KHDC1: variants seen among roughly 807,000 people sequenced by gnomAD.
KHDC1 encodes KH domain containing 1, also known as KH homology domain-containing protein 1.
Under a neutral mutation model 24.7 loss-of-function variants are expected in KHDC1, and 21 were observed. The observed-to-expected ratio is 0.85, with a 90% confidence interval of 0.60 to 1.23. KHDC1 has a LOEUF of 1.23. KHDC1 is among the 50% of genes most tolerant of loss of function. The probability of loss-of-function intolerance (pLI) is 0.00; values close to 1 mark genes in which losing one functional copy is unlikely to be tolerated. For synonymous variants in KHDC1, 98 were observed against 111.7 expected (o/e 0.88, Z 0.77); for missense variants, 274 against 298.5 (o/e 0.92, Z 0.61).
chr6:73,249,469 T>A (rs1368501695), intron 2 of KHDC1, among the ~76,000 whole-genome samples: 1 of 152,200 alleles, frequency 6.6e-6, no homozygotes, highest in Admixed American at 6.5e-5. Context: ...TCAGAGATAG[T>A]GTGCAGTGAG....
intron 2 of KHDC1, among the ~76,000 whole-genome samples, chr6:73,243,218 T>C (rs1053849503): frequency 2.6e-5 from 4 of 152,220 alleles, no homozygotes; most frequent in African/African-American, 9.6e-5. Context: ...GATGGACTTT[T>C]TACACCTTGT....
intron 2 of KHDC1, among the ~76,000 whole-genome samples, chr6:73,245,151 T>C (rs1341896991): frequency 1.3e-5 from 2 of 152,120 alleles, no homozygotes; most frequent in African/African-American, 4.8e-5. Flanking sequence ...TACCAGAACA[T>C]GTATCTTGTT....
At chr6:73,294,367 TAAAAA>T (rs938865171) in intron 1 of KHDC1, among the ~76,000 whole-genome samples, 9 of 148,584 alleles carry the variant, frequency 6.1e-5, no homozygotes, top group South Asian at 2.1e-4. Context: ...GATGAAGACT[TAAAAA>T]AAAAAGGAAC....
At chr6:73,287,954 G>A (rs1425914751) in intron 2 of KHDC1, among the ~76,000 whole-genome samples, 1 of 152,232 alleles carries the variant, frequency 6.6e-6, no homozygotes. Context: ...TGAAATTAGA[G>A]TGGAGAAGGG....
chr6:73,292,427 G>A, intron 1 of KHDC1: 1 of 776,412 alleles, frequency 1.3e-6, no homozygotes, highest in South Asian at 1.3e-5. Flanking sequence ...TTTTTTCAGA[G>A]TGTTGGTTCC....
At chr6:73,242,645 A>T in intron 2 of KHDC1, 115 bp from the exon 2 acceptor site, 1 of 1,280,542 alleles carries the variant, frequency 7.8e-7, no homozygotes, top group Non-Finnish European at 1.1e-6. Context: ...CCCTTGAACT[A>T]CCTTAGGGTG....
intron 2 of KHDC1, among the ~76,000 whole-genome samples, chr6:73,285,016 T>C (rs1330197048): frequency 6.6e-6 from 1 of 152,042 alleles, no homozygotes; most frequent in Non-Finnish European, 1.5e-5. Flanking sequence ...TGCTAATTTT[T>C]GTATTTTTAG....
At position 73,309,780 on chromosome 6, in the gene KHDC1, C is replaced by T. The variant is rs974406821; in HGVS notation, c.-66G>A. 5.3e-6 allele frequency: 8 copies of T among 1,506,462 alleles called. No homozygotes were observed. In the African/African-American group the frequency reaches 8.5e-5, roughly 16 times the overall value. The allele number at this position is 1,506,462 out of a possible 1,614,324, so 93.3% of individuals were successfully genotyped here. Reference sequence around the variant, plus strand: ...ACGAGTAGTACAGCTCCTCCCGCCACCGCAGAGCCCGCCGGCGGGAAGAGA... The same window carrying T: ...ACGAGTAGTACAGCTCCTCCCGCCATCGCAGAGCCCGCCGGCGGGAAGAGA... On this transcript the variant is annotated 5_prime_UTR_variant, in exon 1 of 5. Coordinates refer to ENST00000370384, the Ensembl canonical transcript of KHDC1.
intron 2 of KHDC1, among the ~76,000 whole-genome samples, chr6:73,258,133 T>G (rs1766913746): frequency 6.6e-6 from 1 of 152,166 alleles, no homozygotes; most frequent in South Asian, 2.1e-4. Flanking sequence ...TGCACACCTG[T>G]AATCCCAGCT....
intron 2 of KHDC1, among the ~76,000 whole-genome samples, chr6:73,282,908 T>C (rs1767441838): frequency 6.6e-6 from 1 of 152,244 alleles, no homozygotes; most frequent in South Asian, 2.1e-4. Context: ...GATAAAACTC[T>C]GGTCTCCTGC....
In KHDC1 at chr6:73,263,340, G is replaced by C. The variant is rs977170774; in HGVS notation, c.207-20810C>G. ...AGCAGCTCTTGAGTCCAGGAAGCAA[G>C]GGTGGGAGGAGGGACGAGCCAGTGG... On this transcript the variant is annotated intron_variant, in intron 2 of 4. Transcript: ENST00000370384. 1.5e-5 allele frequency: 14 copies of C among 950,614 alleles called. No homozygotes were observed. The African/African-American group carries it at 2.1e-4, about 14-fold the overall frequency. 58.9% of individuals were successfully genotyped at this position (950,614 alleles called of 1,614,324 possible).
At chr6:73,304,084 C>G (rs1767920585) in intron 1 of KHDC1, among the ~76,000 whole-genome samples, 1 of 151,888 alleles carries the variant, frequency 6.6e-6, no homozygotes, top group African/African-American at 2.4e-5. Flanking sequence ...GAGGCTGATG[C>G]ATGACAATCG....
chr6:73,306,697 A>T lies in KHDC1; in HGVS notation c.163+2855T>A, dbSNP rs117908942. Among the ~76,000 whole-genome samples the T allele has an allele frequency of 9.9e-3, 1,510 of 151,948 alleles. 19 individuals carry two copies. Among genetic ancestry groups the T allele is most frequent in the East Asian group, 0.056 (288 of 5,152 alleles). On this transcript the variant is annotated intron_variant, in intron 1 of 4. Coordinates refer to ENST00000370384, the Ensembl canonical transcript of KHDC1. The stretch of plus-strand genomic sequence containing the variant: ...GGTGCCCCGGGGCAGTGGGGGTGGG[A>T]GTTGAAGACTATTTAGAAAATTTTC...
chr6:73,279,403 A>G (rs561639819), intron 2 of KHDC1, among the ~76,000 whole-genome samples: 30 of 152,254 alleles, frequency 2.0e-4, no homozygotes, highest in Admixed American at 2.0e-3. Context: ...GTCTCAAAAA[A>G]TAAAAATGAA....
chr6:73,305,978 A>G (rs532922812), intron 1 of KHDC1, among the ~76,000 whole-genome samples: 312 of 152,198 alleles, frequency 2.0e-3, no homozygotes, highest in Non-Finnish European at 3.6e-3. Context: ...TTTTAAATTG[A>G]GCAAATTATA....
chr6:73,254,785 G>A (rs760959198), intron 2 of KHDC1, among the ~76,000 whole-genome samples: 3 of 152,030 alleles, frequency 2.0e-5, no homozygotes, highest in Non-Finnish European at 2.9e-5. Context: ...GGCGGATCAC[G>A]AGGTCAGGAG....
intron 1 of KHDC1, chr6:73,292,457 G>GT: frequency 1.3e-6 from 1 of 773,204 alleles, no homozygotes; most frequent in Non-Finnish European, 2.4e-6. Flanking sequence ...CAGAAATGCT[G>GT]TAAGTTCACT....
chr6:73,272,856 C>CTTTTTTTTTTTTTTTTT (rs1158620688), intron 2 of KHDC1, among the ~76,000 whole-genome samples: 1 of 135,276 alleles, frequency 7.4e-6, no homozygotes, highest in Non-Finnish European at 1.5e-5. Flanking sequence ...CTTTTCTTTT[C>CTTTTTTTTTTTTTTTTT]TTTTTCTTTT....
intron 2 of KHDC1, among the ~76,000 whole-genome samples, chr6:73,248,432 TC>T (rs1456497916): frequency 6.6e-6 from 1 of 151,836 alleles, no homozygotes; most frequent in African/African-American, 2.4e-5. Flanking sequence ...CTTCCCTTCT[TC>T]CCCCTCCTTC....
Sources: allele counts gnomAD v4.1 joint callset (sites outside exome capture counted in the v4.1 genomes callset), GRCh38; gene constraint gnomAD v4.1.1; transcripts MANE v1.5; gene names NCBI Gene and HGNC (gene_info 2026-07-23, HGNC 2026-07-21).